ARHGEF18: variants seen among roughly 807,000 people sequenced by gnomAD.
ARHGEF18 encodes the protein Rho/Rac guanine nucleotide exchange factor 18.
ARHGEF18 carries 93 observed loss-of-function variants against 155.7 expected under a neutral mutation model. The observed-to-expected ratio is 0.60, with a 90% CI of 0.50 to 0.71. ARHGEF18 has a LOEUF of 0.71. Among genes scored for constraint, ARHGEF18 ranks in the 30% least tolerant of loss-of-function variants. The pLI, the probability that ARHGEF18 is intolerant of heterozygous loss-of-function variation, is 0.00. For synonymous variants in ARHGEF18, 742 were observed against 753.1 expected (o/e 0.99, Z 0.24); for missense variants, 1,593 against 1,816.1 (o/e 0.88, Z 2.23).
chr19:7,440,120 C>G lies in ARHGEF18; in HGVS notation c.968-224C>G. The stretch of plus-strand genomic sequence containing the variant: ...GCGCGAACATGGGGAATGCGCACTC[C>G]AAAAGCGGGGACAGGCACAGCGCGC... On this transcript the variant is annotated intron_variant, in intron 10 of 28. Coordinates refer to ENST00000668164, the MANE Select transcript of ARHGEF18 (RefSeq NM_001367823.1). The surrounding 1 kb of genome is among the most constrained non-coding windows in gnomAD (Gnocchi z 5.4). 6.4e-7 allele frequency: 1 copy of G among 1,551,106 alleles called. No individual in the cohort carries two copies. Among genetic ancestry groups the G allele is most frequent in the Admixed American group, 2.0e-5 (1 of 51,002 alleles).
rs1976967312 is a variant in ARHGEF18, at chr19:7,470,600, C to G, written c.*302C>G. On this transcript the variant is annotated 3_prime_UTR_variant, in exon 29 of 29. Transcript: ENST00000668164. The surrounding 1 kb of genome is among the most constrained non-coding windows in gnomAD (Gnocchi z 5.9). ...GGGAGCTGTCTGAAATCATAGCACC[C>G]CATCCGGGTGGCGGGGAGATCAACT... The G allele has an allele frequency of 2.5e-6, 1 of 397,440 alleles. No homozygotes were observed. Among genetic ancestry groups the G allele is most frequent in the Non-Finnish European group, 4.4e-6 (1 of 225,994 alleles). The allele number at this position is 397,440 out of a possible 1,614,324, so 24.6% of individuals were successfully genotyped here.
Position 7,447,304 on chromosome 19 carries a change from C to T in ARHGEF18, c.1737+136C>T, listed in dbSNP as rs976521379. ...AGGAGATCGAGACCGTCCTGGCCAA[C>T]ATGGTGAAACCCCGTCTCTATTAAA... On this transcript the variant is annotated intron_variant, in intron 15 of 28. Coordinates refer to ENST00000668164, the MANE Select transcript of ARHGEF18 (RefSeq NM_001367823.1). 8.4e-6 allele frequency: 6 copies of T among 715,468 alleles called. No homozygotes were observed. In the South Asian group the frequency reaches 1.0e-4, roughly 12 times the overall value. 44.3% of individuals were successfully genotyped at this position (715,468 alleles called of 1,614,324 possible). A position where few individuals can be genotyped will look rare whatever the true frequency, so the allele number is the denominator to read the frequency against.
chr19:7,354,758 A>C (rs1969242950), intron 1 of ARHGEF18, among the ~76,000 whole-genome samples: 1 of 150,360 alleles, frequency 6.7e-6, no homozygotes, highest in Non-Finnish European at 1.5e-5. Flanking sequence ...AAACTTAGCC[A>C]GTGTGGTGGC....
rs1161497936 is a variant in ARHGEF18 at position 7,456,316 on chromosome 19, T to A, written c.2105-11T>A. On this transcript the variant is annotated splice_polypyrimidine_tract_variant and intron_variant, in intron 17 of 28. Coordinates refer to ENST00000668164, the MANE Select transcript of ARHGEF18 (RefSeq NM_001367823.1). ...ACTTTTAAGATGCATCCTTCCATGC[T>A]GTTTTCCCAGATATCCTGGCTATCC... is the stretch of plus-strand genomic sequence containing the variant. The A allele has an allele frequency of 6.2e-7, 1 of 1,613,894 alleles. No homozygotes were observed.
intron 19 of ARHGEF18, 136 bp from the exon 20 acceptor site, chr19:7,459,767 C>T (rs756425788): frequency 4.3e-6 from 3 of 689,776 alleles, no homozygotes; most frequent in Non-Finnish European, 7.3e-6. Context: ...CCTCCTCGTC[C>T]TCCTGCACCA....
Position 7,466,949 on chromosome 19 carries a change from G to C in ARHGEF18, c.2936G>C (p.Arg979Pro), listed in dbSNP as rs878978658. ...GCGCCAGGCACGGAATCCGATCCCCGTCTGCCCACCGTCCTGGAGTCGGAG... is the reference window on the plus strand; with the variant it reads ...GCGCCAGGCACGGAATCCGATCCCCCTCTGCCCACCGTCCTGGAGTCGGAG... ...VEAPGTESDP[R>P]LPTVLESELV... Residue 979 changes from arginine to proline, a missense_variant, in exon 24 of 29, where the codon CGT becomes CCT. Physicochemically the swap from Arg to Pro is moderately radical, Grantham distance 103 (BLOSUM62 -2). Coordinates refer to ENST00000668164, the MANE Select transcript of ARHGEF18 (RefSeq NM_001367823.1). The C allele has an allele frequency of 2.5e-6, 4 of 1,613,408 alleles. No individual in the cohort carries two copies. The highest frequency in any genetic ancestry group is 2.5e-6 in the Non-Finnish European group (3 of 1,179,992).
intron 22 of ARHGEF18, 115 bp from the exon 23 acceptor site, chr19:7,464,445 A>G: frequency 7.5e-7 from 1 of 1,341,402 alleles, no homozygotes; most frequent in Non-Finnish European, 1.0e-6. Flanking sequence ...TGCAGACGCC[A>G]CCATTCGGGC....
chr19:7,398,248 T>C (rs1056740442), intron 10 of ARHGEF18, among the ~76,000 whole-genome samples: 5 of 151,764 alleles, frequency 3.3e-5, no homozygotes, highest in Non-Finnish European at 7.4e-5. Context: ...TTTTTGTATT[T>C]TTAGTAGAGG....
intron 10 of ARHGEF18, among the ~76,000 whole-genome samples, chr19:7,413,597 G>A (rs1430568824): frequency 2.7e-5 from 3 of 110,548 alleles, no homozygotes; most frequent in East Asian, 2.6e-4. Context: ...CACTGCGCCC[G>A]GCAAAAAAAT....
In ARHGEF18 at chr19:7,379,055, T is replaced by G. The variant is rs902019352; in HGVS notation, c.600-67T>G. The stretch of plus-strand genomic sequence containing the variant: ...GGCCTGCTTGGGCAACCCCAGCTTA[T>G]CTAGGGGAGAGTGTCTGTAACCTGG... On this transcript the variant is annotated intron_variant, in intron 6 of 28. Coordinates refer to ENST00000668164, the MANE Select transcript of ARHGEF18 (RefSeq NM_001367823.1). 6.6e-6 allele frequency: 8 copies of G among 1,216,982 alleles called. No individual in the cohort carries two copies. The Admixed American group carries it at 1.3e-4, about 19-fold the overall frequency. The allele number at this position is 1,216,982 out of a possible 1,614,324, so 75.4% of individuals were successfully genotyped here.
chr19:7,384,867 C>T (rs1970920019), intron 10 of ARHGEF18, among the ~76,000 whole-genome samples: 1 of 151,890 alleles, frequency 6.6e-6, no homozygotes, highest in Admixed American at 6.6e-5. Flanking sequence ...AAGTTATTAA[C>T]TTATTTTTGT....
At chr19:7,385,870 T>TCTCCC (rs1555704468) in intron 10 of ARHGEF18, among the ~76,000 whole-genome samples, 2 of 29,548 alleles carry the variant, frequency 6.8e-5, no homozygotes, top group African/African-American at 3.8e-4. Flanking sequence ...TCTCTCTCTC[T>TCTCCC]CCCCCCTCCC....
At position 7,426,477 on chromosome 19, in the gene ARHGEF18, ACT is replaced by A. The variant is rs202211265; in HGVS notation, c.968-13864_968-13863del. Among the ~76,000 whole-genome samples the A allele has an allele frequency of 8.2e-3, 1,103 of 134,032 alleles. 12 individuals carry two copies. Among genetic ancestry groups the A allele is most frequent in the African/African-American group, 0.03 (1,057 of 35,828 alleles). 87.9% of individuals were successfully genotyped at this position (134,032 alleles called of 152,430 possible). A position where few individuals can be genotyped will look rare whatever the true frequency, so the allele number is the denominator to read the frequency against. ...ACTCCAGCCTGGGCGACAAAGTGAGACTCTGTCTCAAAAAAAAAAAAAAAAGA... is the reference window on the plus strand; with the variant it reads ...ACTCCAGCCTGGGCGACAAAGTGAGACTGTCTCAAAAAAAAAAAAAAAAGA... On this transcript the variant is annotated intron_variant, in intron 10 of 28. Coordinates refer to ENST00000668164, the MANE Select transcript of ARHGEF18 (RefSeq NM_001367823.1).
intron 10 of ARHGEF18, among the ~76,000 whole-genome samples, chr19:7,413,177 A>G (rs1254915393): frequency 6.6e-6 from 1 of 152,118 alleles, no homozygotes; most frequent in Non-Finnish European, 1.5e-5. Context: ...CATGCCTGCA[A>G]TCCCAACACT....
intron 24 of ARHGEF18, 32 bp from the exon 25 acceptor site, chr19:7,467,039 A>T: frequency 6.2e-7 from 1 of 1,610,886 alleles, no homozygotes; most frequent in Non-Finnish European, 8.5e-7. Flanking sequence ...TCAGCCCGAT[A>T]ACTAGCATCA....
rs1222306133 is a variant in ARHGEF18, at chr19:7,467,600, C to T, written c.3396C>T (p.Arg1132=). ...GCGAGGCCCAGCGTGCCGTGGAGCG[C>T]GAGCGGGAGCGCCTGGAGCTGCTGC... ...RLREAQRAVE[R]ERERLELLRR... is the part of the protein sequence containing the mutation. The change falls in exon 26 of 29, where the codon CGC becomes CGT. Residue 1132 remains arginine, a synonymous_variant. Transcript: ENST00000668164. 2.0e-6 allele frequency: 3 copies of T among 1,508,708 alleles called. No individual in the cohort carries two copies. The highest frequency in any genetic ancestry group is 1.8e-6 in the Non-Finnish European group (2 of 1,136,686). The allele number at this position is 1,508,708 out of a possible 1,614,324, so 93.5% of individuals were successfully genotyped here.
chr19:7,393,363 G>T (rs1337895937), intron 10 of ARHGEF18, among the ~76,000 whole-genome samples: 1 of 152,116 alleles, frequency 6.6e-6, no homozygotes, highest in African/African-American at 2.4e-5. Flanking sequence ...GAAGTGATTG[G>T]GTTTGGGGAA....
chr19:7,399,292 C>T (rs186651252), intron 10 of ARHGEF18, among the ~76,000 whole-genome samples: 4 of 152,176 alleles, frequency 2.6e-5, no homozygotes, highest in East Asian at 1.9e-4. Context: ...AAATAATGTC[C>T]TCCGAGAGCA....
chr19:7,417,886 C>G lies in ARHGEF18; in HGVS notation c.968-22458C>G, dbSNP rs368658895. ...TGGGTGGGGCCAGAGGTCCTGGACT[C>G]TCTGTAAGAGACCAGATGGTACATA... On this transcript the variant is annotated intron_variant, in intron 10 of 28. Transcript: ENST00000668164. Among the ~76,000 whole-genome samples the G allele has an allele frequency of 5.3e-5, 8 of 152,214 alleles. No homozygotes were observed. The East Asian group carries it at 1.2e-3, about 22-fold the overall frequency.
Sources: gnomAD v4.1 joint callset for allele counts (sites outside exome capture counted in the v4.1 genomes callset) on GRCh38, gnomAD v4.1.1 for gene constraint, Gnocchi (gnomAD v3.1) non-coding constraint, MANE v1.5 for transcripts, NCBI Gene and HGNC (gene_info 2026-07-23, HGNC 2026-07-21) for gene names.